RUFY4: variants seen among roughly 807,000 people sequenced by gnomAD.
RUFY4 encodes RUN and FYVE domain-containing protein 4.
In RUFY4, 73 loss-of-function variants were observed where a neutral mutation model predicts 69.0. The observed-to-expected ratio is 1.06, with a 90% CI of 0.88 to 1.29. RUFY4 has a LOEUF of 1.29. Among genes scored for constraint, RUFY4 ranks in the 50% most tolerant of loss-of-function variants. RUFY4 has a pLI of 0.00. For synonymous variants in RUFY4, 287 were observed against 271.8 expected (o/e 1.06, Z -0.55); for missense variants, 770 against 705.6 (o/e 1.09, Z -1.03).
intron 2 of RUFY4, among the ~76,000 whole-genome samples, chr2:218,055,629 C>T (rs1278792300): frequency 6.6e-6 from 1 of 152,170 alleles, no homozygotes; most frequent in Non-Finnish European, 1.5e-5. Context: ...TTCTGGTTTC[C>T]TCTGATCCAA....
chr2:218,047,898 G>T (rs925139692), intron 2 of RUFY4, among the ~76,000 whole-genome samples: 2 of 152,042 alleles, frequency 1.3e-5, no homozygotes, highest in African/African-American at 2.4e-5. Context: ...TAATCTATAA[G>T]TCTATCCTAT....
At chr2:218,040,249 C>G (rs560939560) in intron 2 of RUFY4, among the ~76,000 whole-genome samples, 2 of 152,340 alleles carry the variant, frequency 1.3e-5, no homozygotes, top group South Asian at 4.1e-4. Flanking sequence ...AATCACAAGT[C>G]TGTGATCCCT....
At chr2:218,071,357 G>A (rs972605497) in intron 2 of RUFY4, among the ~76,000 whole-genome samples, 4 of 151,948 alleles carry the variant, frequency 2.6e-5, no homozygotes, top group African/African-American at 9.7e-5. Context: ...CTCATCTACT[G>A]CACTTCAGCT....
chr2:218,044,209 G>A (rs1293293111), intron 2 of RUFY4, among the ~76,000 whole-genome samples: 1 of 152,152 alleles, frequency 6.6e-6, no homozygotes, highest in Non-Finnish European at 1.5e-5. Context: ...GCTCCATGGA[G>A]CAGAAGGCCC....
At chr2:218,054,860 A>G (rs558961944) in intron 2 of RUFY4, among the ~76,000 whole-genome samples, 6 of 152,312 alleles carry the variant, frequency 3.9e-5, no homozygotes, top group African/African-American at 1.4e-4. Flanking sequence ...TATTCTTCCT[A>G]CTTGATCCTT....
chr2:218,083,189 C>G, exon 9 of RUFY4: 2 of 1,613,532 alleles, frequency 1.2e-6, no homozygotes, highest in Non-Finnish European at 8.5e-7. Flanking sequence ...TGCCATGTAC[C>G]AGGAGGAGCT....
At chr2:218,062,175 G>A (rs549952808) in intron 3 of RUFY4, among the ~76,000 whole-genome samples, 13 of 152,212 alleles carry the variant, frequency 8.5e-5, no homozygotes, top group Admixed American at 4.6e-4. Context: ...CGAGGTGGGC[G>A]GATCACAAGG....
At chr2:218,074,896 C>T (rs1239528182) in intron 6 of RUFY4, among the ~76,000 whole-genome samples, 197 bp from the exon 9 acceptor site, 1 of 152,120 alleles carries the variant, frequency 6.6e-6, no homozygotes, top group Non-Finnish European at 1.5e-5. Flanking sequence ...CCTCACCAGA[C>T]CAAAGCATGG....
At chr2:218,038,263 C>G (rs957229156) in intron 2 of RUFY4, among the ~76,000 whole-genome samples, 1 of 151,536 alleles carries the variant, frequency 6.6e-6, no homozygotes, top group Admixed American at 6.6e-5. Flanking sequence ...AGAAAAACAC[C>G]AGAAAAAAAA....
At chr2:218,056,876 G>A (rs764216153) in intron 2 of RUFY4, among the ~76,000 whole-genome samples, 3 of 152,030 alleles carry the variant, frequency 2.0e-5, no homozygotes, top group Non-Finnish European at 4.4e-5. Context: ...ACTTGAGGTC[G>A]GGAGTTTGAG....
chr2:218,053,932 A>T (rs1296916732), intron 2 of RUFY4, among the ~76,000 whole-genome samples: 1 of 152,272 alleles, frequency 6.6e-6, no homozygotes, highest in Non-Finnish European at 1.5e-5. Context: ...AGCCTGAGAC[A>T]CCGCACCTGG....
chr2:218,062,111 A>G (rs971817493), intron 3 of RUFY4, among the ~76,000 whole-genome samples: 1 of 152,208 alleles, frequency 6.6e-6, no homozygotes, highest in Non-Finnish European at 1.5e-5. Flanking sequence ...ATTAAAAATG[A>G]TAAGTGGGCC....
At chr2:218,044,171 G>A (rs917486415) in intron 2 of RUFY4, among the ~76,000 whole-genome samples, 7 of 152,286 alleles carry the variant, frequency 4.6e-5, no homozygotes, top group African/African-American at 1.7e-4. Context: ...GGCAGCTGCT[G>A]TGGCACCCAG....
chr2:218,055,214 A>G (rs1394109217), intron 2 of RUFY4, among the ~76,000 whole-genome samples: 2 of 152,044 alleles, frequency 1.3e-5, no homozygotes, highest in Admixed American at 6.6e-5. Flanking sequence ...GAGAAACATG[A>G]TGAAACCCCA....
upstream of RUFY4, among the ~76,000 whole-genome samples, chr2:218,064,864 C>T (rs768350971): frequency 3.2e-4 from 48 of 152,094 alleles, no homozygotes; most frequent in Non-Finnish European, 6.5e-4. Flanking sequence ...AGCACCCATC[C>T]TATCCCCTAA....
chr2:218,070,690 G>T, intron 1 of RUFY4, 39 bp downstream of exon 3: 1 of 1,536,398 alleles, frequency 6.5e-7, no homozygotes, highest in Non-Finnish European at 8.7e-7. Context: ...ACTGAGTCAT[G>T]GGAGAAGTCA....
At chr2:218,068,326 T>C (rs1689399478), upstream of RUFY4, among the ~76,000 whole-genome samples, 1 of 151,646 alleles carries the variant, frequency 6.6e-6, no homozygotes, top group East Asian at 1.9e-4. Context: ...TCAGACAGAC[T>C]GAATTGGGAG....
At chr2:218,036,729 G>A (rs1404311370) in intron 2 of RUFY4, among the ~76,000 whole-genome samples, 3 of 152,244 alleles carry the variant, frequency 2.0e-5, no homozygotes, top group Non-Finnish European at 2.9e-5. Flanking sequence ...GATTCACCAC[G>A]ATGAGGAGTC....
upstream of RUFY4, chr2:218,069,327 C>T (rs1689423928): frequency 6.6e-6 from 1 of 152,288 alleles, no homozygotes; most frequent in African/African-American, 2.4e-5. Context: ...CTCTCGTGCC[C>T]CAGCCAGCCA....
Sources: allele counts gnomAD v4.1 joint callset (sites outside exome capture counted in the v4.1 genomes callset), GRCh38; gene constraint gnomAD v4.1.1; transcripts MANE v1.5; gene names NCBI Gene and HGNC (gene_info 2026-07-23, HGNC 2026-07-21).